Variants in TRAF2 observed in about 807,000 individuals in gnomAD.
TRAF2 encodes TNF receptor associated factor 2.
A neutral mutation model predicts 55.6 loss-of-function variants in TRAF2; 6 were observed. That is an observed-to-expected ratio of 0.11 (90% CI 0.06 to 0.21). The LOEUF (loss-of-function observed/expected upper bound fraction) is 0.21. Among genes scored for constraint, TRAF2 ranks in the 10% least tolerant of loss-of-function variants. The pLI is 1.00. For synonymous variants in TRAF2, 329 were observed against 276.3 expected (o/e 1.19, Z -1.89); for missense variants, 561 against 684.5 (o/e 0.82, Z 2.01).
At chr9:136,898,598 A>C (rs1279469734) in intron 1 of TRAF2, 115 bp from the exon 2 acceptor site, 1 of 1,483,870 alleles carries the variant, frequency 6.7e-7, no homozygotes, top group East Asian at 2.4e-5. Flanking sequence ...TCTTGACCGC[A>C]GGTCAGTGGG....
upstream of TRAF2, among the ~76,000 whole-genome samples, chr9:136,884,045 G>T (rs558927934): frequency 2.0e-5 from 3 of 151,452 alleles, no homozygotes; most frequent in Non-Finnish European, 2.9e-5. Context: ...GAATGGTCTC[G>T]ATCTCTTGAC....
At position 136,908,058 on chromosome 9, in the gene TRAF2, T is replaced by C. The variant is rs1328407178; in HGVS notation, c.367-12T>C. ...CGCGAGTTCTACTGACGCTTCCTCC[T>C]TTCGTTGCTAGAGCTGCCACGAAGG... On this transcript the variant is annotated splice_polypyrimidine_tract_variant and intron_variant, in intron 4 of 10. Coordinates refer to ENST00000247668, the MANE Select transcript of TRAF2 (RefSeq NM_021138.4). The C allele has an allele frequency of 6.3e-7, 1 of 1,596,034 alleles. No homozygotes were observed. Among genetic ancestry groups the C allele is most frequent in the South Asian group, 1.1e-5 (1 of 90,204 alleles).
intron 7 of TRAF2, among the ~76,000 whole-genome samples, chr9:136,918,242 T>C (rs1271543783): frequency 2.2e-5 from 1 of 45,310 alleles, no homozygotes; most frequent in Non-Finnish European, 3.9e-5. Flanking sequence ...TATATATATA[T>C]ATATATATAT....
intron 2 of TRAF2, among the ~76,000 whole-genome samples, chr9:136,899,335 C>A (rs747566749): frequency 6.6e-6 from 1 of 152,164 alleles, no homozygotes; most frequent in African/African-American, 2.4e-5. Flanking sequence ...TCGGGAGAGC[C>A]GGCAATACCT....
chr9:136,896,374 C>T (rs1165134109), intron 1 of TRAF2, among the ~76,000 whole-genome samples: 3 of 152,214 alleles, frequency 2.0e-5, no homozygotes, highest in African/African-American at 4.8e-5. Flanking sequence ...TCCTCATGAC[C>T]GGCCCTGGTT....
At position 136,925,948 on chromosome 9, in the gene TRAF2, G is replaced by C; in HGVS notation, c.*47G>C. 1 of 1,604,960 alleles carries C rather than the reference G, an allele frequency of 6.2e-7. No homozygotes were observed. Among genetic ancestry groups the C allele is most frequent in the Non-Finnish European group, 8.5e-7 (1 of 1,173,888 alleles). ...GGGTTGGGGGCAGCCAGGCACAGCC[G>C]GCTCACGGAGGGGCCACCACGCTGG... On this transcript the variant is annotated 3_prime_UTR_variant, in exon 11 of 11. Transcript: ENST00000247668.
chr9:136,882,152 T>A, upstream of TRAF2: 1 of 643,750 alleles, frequency 1.6e-6, no homozygotes, highest in Non-Finnish European at 1.9e-6. Flanking sequence ...GGCTCTGTCG[T>A]CCCAAGACCT....
intron 6 of TRAF2, among the ~76,000 whole-genome samples, chr9:136,915,048 G>A (rs138789169): frequency 3.3e-5 from 5 of 152,116 alleles, no homozygotes; most frequent in Non-Finnish European, 5.9e-5. Flanking sequence ...GTGTGGTAGC[G>A]CATGCCTGTA....
chr9:136,884,386 C>G (rs1421991412), upstream of TRAF2, among the ~76,000 whole-genome samples: 1 of 151,906 alleles, frequency 6.6e-6, no homozygotes, highest in Non-Finnish European at 1.5e-5. Flanking sequence ...GGTGAAACCC[C>G]GTCTCTACTA....
At chr9:136,883,204 G>A (rs1849394543), upstream of TRAF2, among the ~76,000 whole-genome samples, 1 of 152,002 alleles carries the variant, frequency 6.6e-6, no homozygotes, top group South Asian at 2.1e-4. Flanking sequence ...CAATCTTCTG[G>A]AAACAGAGCA....
rs201954782 is a variant in TRAF2, at chr9:136,921,199, C to G, written c.1122C>G (p.Pro374=). The G allele has an allele frequency of 6.2e-7, 1 of 1,613,798 alleles. No individual in the cohort carries two copies. Among genetic ancestry groups the G allele is most frequent in the Non-Finnish European group, 8.5e-7 (1 of 1,180,018 alleles). Residue 374 remains proline, a synonymous_variant, in exon 9 of 11, where the codon CCC becomes CCG. Transcript: ENST00000247668. The part of the protein sequence containing the change: ...KRQEAVAGRI[P]AIFSPAFYTS... Reference sequence around the variant, plus strand: ...AGGAAGCTGTGGCTGGCCGCATACCCGCCATCTTCTCCCCAGGTGTGGTTC... The same window carrying G: ...AGGAAGCTGTGGCTGGCCGCATACCGGCCATCTTCTCCCCAGGTGTGGTTC...
At chr9:136,882,092 G>T (rs111585030), upstream of TRAF2, 2 of 966,796 alleles carry the variant, frequency 2.1e-6, no homozygotes, top group South Asian at 9.5e-5. Context: ...TCATGGTCCC[G>T]TGGGGGGCCC....
chr9:136,899,123 G>A (rs563699373), intron 2 of TRAF2, among the ~76,000 whole-genome samples, 195 bp downstream of exon 2: 2 of 152,320 alleles, frequency 1.3e-5, no homozygotes, highest in East Asian at 3.9e-4. Context: ...TTTGAAATAC[G>A]ATTTTGGATA....
intron 4 of TRAF2, among the ~76,000 whole-genome samples, chr9:136,906,481 T>TA (rs1849955389): frequency 6.6e-6 from 1 of 151,994 alleles, no homozygotes; most frequent in South Asian, 2.1e-4. Context: ...CCATGAGACT[T>TA]ACTATCACGA....
chr9:136,916,717 G>GCCACCTCTGCAGCACTGCCTCCT, intron 7 of TRAF2, 102 bp downstream of exon 7: 1 of 1,165,092 alleles, frequency 8.6e-7, no homozygotes, highest in Non-Finnish European at 1.3e-6. Flanking sequence ...CTGCTCCTCA[G>GCCACCTCTGCAGCACTGCCTCCT]CCACCTCTGC....
At chr9:136,897,304 T>TAAAG (rs1849701573) in intron 1 of TRAF2, among the ~76,000 whole-genome samples, 1 of 152,002 alleles carries the variant, frequency 6.6e-6, no homozygotes, top group Admixed American at 6.6e-5. Flanking sequence ...CCTTGGTGCT[T>TAAAG]AGGCAGAAGG....
chr9:136,886,439 A>T (rs1034097723), upstream of TRAF2: 43 of 1,003,300 alleles, frequency 4.3e-5, no homozygotes, highest in African/African-American at 6.3e-4. Flanking sequence ...GTTGGCTCCC[A>T]TGTCCGTCCG....
chr9:136,900,595 T>C (rs374987100), intron 4 of TRAF2, 75 bp downstream of exon 4: 12 of 1,236,296 alleles, frequency 9.7e-6, no homozygotes, highest in African/African-American at 4.5e-5. Context: ...CAAGCAGTTA[T>C]GACCTTGTCC....
intron 7 of TRAF2, among the ~76,000 whole-genome samples, chr9:136,919,186 G>A (rs1042034042): frequency 6.0e-5 from 9 of 151,086 alleles, no homozygotes; most frequent in African/African-American, 1.9e-4. Flanking sequence ...TCAGTCTCCC[G>A]AGTAGCTGGA....
Sources: gnomAD v4.1 joint callset for allele counts (sites outside exome capture counted in the v4.1 genomes callset) on GRCh38, gnomAD v4.1.1 for gene constraint, MANE v1.5 for transcripts, NCBI Gene and HGNC (gene_info 2026-07-23, HGNC 2026-07-21) for gene names.